Variants in KPNA6 observed in about 807,000 individuals in gnomAD.
KPNA6 encodes the protein importin subunit alpha-7.
KPNA6 carries 9 observed loss-of-function variants against 72.0 expected under a neutral mutation model. The ratio of observed to expected loss-of-function variants is 0.13; its 90% CI spans 0.08 to 0.22. The LOEUF (loss-of-function observed/expected upper bound fraction) is 0.22, where lower values mean the gene tolerates loss of function less well. Ranked by LOEUF, KPNA6 falls within the 10% of genes least tolerant of loss-of-function variation. The pLI, the probability that KPNA6 is intolerant of heterozygous loss-of-function variation, is 1.00. For missense variants in KPNA6, 374 were observed against 655.7 expected (o/e 0.57, Z 4.69); for synonymous variants, 219 against 242.1 (o/e 0.90, Z 0.89).
intron 1 of KPNA6, among the ~76,000 whole-genome samples, chr1:32,118,043 C>A (rs1022974381): frequency 2.6e-5 from 4 of 152,024 alleles, no homozygotes; most frequent in Non-Finnish European, 5.9e-5. Context: ...CTGCCTCAGC[C>A]TCCTGAGTAA....
At chr1:32,117,335 GCTAA>G (rs1310915383) in intron 1 of KPNA6, among the ~76,000 whole-genome samples, 1 of 152,048 alleles carries the variant, frequency 6.6e-6, no homozygotes, top group Non-Finnish European at 1.5e-5. Context: ...ACCACGCCCG[GCTAA>G]CTTTTTGTAT....
rs140959130 is a variant in KPNA6, at chr1:32,140,348, C to T, written c.5-14240C>T. Among the ~76,000 whole-genome samples the T allele has an allele frequency of 1.8e-3, 277 of 151,978 alleles. 5 individuals are homozygous for T. The East Asian group carries it at 0.047, about 26-fold the overall frequency. On this transcript the variant is annotated intron_variant, in intron 1 of 13. Transcript: ENST00000373625. ...GCAGTGAGCTGAGATGGTGCCACTG[C>T]ACTCCAGCCTGGGCAACAGAGCGAG...
At chr1:32,150,226 G>A (rs982537436) in intron 1 of KPNA6, among the ~76,000 whole-genome samples, 5 of 142,240 alleles carry the variant, frequency 3.5e-5, no homozygotes, top group South Asian at 2.4e-4. Context: ...TCCGCCTCCC[G>A]GGTTCAAGTG....
chr1:32,115,793 G>GAGT (rs927740690), intron 1 of KPNA6, among the ~76,000 whole-genome samples: 1 of 152,244 alleles, frequency 6.6e-6, no homozygotes, highest in Non-Finnish European at 1.5e-5. Flanking sequence ...GCCCAGGCTG[G>GAGT]AGTGCAGTGC....
rs138602858 is a variant in KPNA6, at chr1:32,170,617, CAT to C, written c.1424-88_1424-87del. On this transcript the variant is annotated intron_variant, in intron 13 of 13. Transcript: ENST00000373625. ...TATGACTTGTGTTTGTAAGCACTAA[CAT>C]ACCTCAGGGAAGGAAAAATAGGTAA... The C allele has an allele frequency of 1.2e-4, 130 of 1,055,010 alleles. 1 individual carries two copies. In the East Asian group the frequency reaches 3.1e-3, roughly 25 times the overall value. The allele number at this position is 1,055,010 out of a possible 1,614,324, so 65.4% of individuals were successfully genotyped here. A position where few individuals can be genotyped will look rare whatever the true frequency, so the allele number is the denominator to read the frequency against.
Position 32,173,070 on chromosome 1 carries a change from G to C in KPNA6, c.*2176G>C, listed in dbSNP as rs72666771. 3 of 397,034 alleles carry C rather than the reference G, an allele frequency of 7.6e-6. No homozygotes were observed. The highest frequency in any genetic ancestry group is 8.9e-6 in the Non-Finnish European group (2 of 225,890). The allele number at this position is 397,034 out of a possible 1,614,324, so 24.6% of individuals were successfully genotyped here. A position where few individuals can be genotyped will look rare whatever the true frequency, so the allele number is the denominator to read the frequency against. On this transcript the variant is annotated 3_prime_UTR_variant, in exon 14 of 14. Transcript: ENST00000373625. ...TGAGTCATATGCCACTCATCAGCTT[G>C]GGAATGATGGCTGCCAACTCCCAAT...
chr1:32,171,036 C>G lies in KPNA6; in HGVS notation c.*142C>G. On this transcript the variant is annotated 3_prime_UTR_variant, in exon 14 of 14. Coordinates refer to ENST00000373625, the MANE Select transcript of KPNA6 (RefSeq NM_012316.5). ...CTGGAGACTGTGCTCTTGACCTGCTCCGCCCCCTTCCCTGGAGGGAGCACC... is the reference window on the plus strand; with the variant it reads ...CTGGAGACTGTGCTCTTGACCTGCTGCGCCCCCTTCCCTGGAGGGAGCACC... 1 of 694,942 alleles carries G rather than the reference C, an allele frequency of 1.4e-6. No homozygotes were observed. 43.0% of individuals were successfully genotyped at this position (694,942 alleles called of 1,614,324 possible).
rs957880415 is a variant in KPNA6 at position 32,169,789 on chromosome 1, TAGTAAGAG to T, written c.1245-92_1245-85del. 1.5e-5 allele frequency: 17 copies of T among 1,124,306 alleles called. 1 individual carries two copies. Among genetic ancestry groups the T allele is most frequent in the Admixed American group, 1.1e-4 (5 of 44,062 alleles). 69.6% of individuals were successfully genotyped at this position (1,124,306 alleles called of 1,614,324 possible). ...AATTCTTAAAAATAAAAAAATAAAT[TAGTAAGAG>T]TGGGTTGCTGAGAGTTCAGAGCACC... On this transcript the variant is annotated intron_variant, in intron 12 of 13. Coordinates refer to ENST00000373625, the MANE Select transcript of KPNA6 (RefSeq NM_012316.5).
chr1:32,143,949 C>A (rs1170352369), intron 1 of KPNA6, among the ~76,000 whole-genome samples: 1 of 152,170 alleles, frequency 6.6e-6, no homozygotes, highest in African/African-American at 2.4e-5. Flanking sequence ...TCCATGGTAT[C>A]CATATGCAGT....
intron 2 of KPNA6, among the ~76,000 whole-genome samples, chr1:32,155,710 A>G (rs1642128632): frequency 8.4e-6 from 1 of 118,626 alleles, no homozygotes; most frequent in Non-Finnish European, 1.7e-5. Context: ...ATTATTATTT[A>G]TTTATTTATT....
chr1:32,156,094 T>C (rs1642137961), intron 2 of KPNA6, among the ~76,000 whole-genome samples: 1 of 151,670 alleles, frequency 6.6e-6, no homozygotes, highest in Non-Finnish European at 1.5e-5. Flanking sequence ...TGCTATACTA[T>C]CATTCCTTTT....
chr1:32,129,136 C>CCCTT (rs900288898), intron 1 of KPNA6, among the ~76,000 whole-genome samples: 1 of 150,142 alleles, frequency 6.7e-6, no homozygotes, highest in Non-Finnish European at 1.5e-5. Context: ...CTCCCTCCCT[C>CCCTT]CCTTCCTTCC....
At chr1:32,109,272 C>T (rs1416781467) in intron 1 of KPNA6, among the ~76,000 whole-genome samples, 2 of 151,876 alleles carry the variant, frequency 1.3e-5, no homozygotes, top group Non-Finnish European at 1.5e-5. Context: ...CGGGTTCAAG[C>T]GATTCTCCTG....
Position 32,175,852 on chromosome 1 carries a change from CT to C in KPNA6, c.*4961del, listed in dbSNP as rs1159664219. ...GTGGCTCATGCCTGTAATCCTAGCA[CT>C]TTGGGAGGCTGAGGCGGGCAGATCA... On this transcript the variant is annotated 3_prime_UTR_variant, in exon 14 of 14. Coordinates refer to ENST00000373625, the MANE Select transcript of KPNA6 (RefSeq NM_012316.5). 6.6e-6 allele frequency: 1 copy of C among 150,962 alleles called. No homozygotes were observed. Among genetic ancestry groups the C allele is most frequent in the East Asian group, 1.9e-4 (1 of 5,130 alleles). 9.4% of individuals were successfully genotyped at this position (150,962 alleles called of 1,614,324 possible). A position where few individuals can be genotyped will look rare whatever the true frequency, so the allele number is the denominator to read the frequency against.
chr1:32,125,979 T>TAA (rs75504815), intron 1 of KPNA6, among the ~76,000 whole-genome samples: 9,355 of 98,698 alleles, frequency 0.095, 513 homozygotes, highest in South Asian at 0.22. Flanking sequence ...CTATATTTAC[T>TAA]AAAAAAAAAA....
intron 1 of KPNA6, among the ~76,000 whole-genome samples, chr1:32,137,047 A>G (rs1473209271): frequency 6.6e-6 from 1 of 152,234 alleles, no homozygotes; most frequent in African/African-American, 2.4e-5. Flanking sequence ...CTCTTCAAGG[A>G]CAATGAAAAT....
chr1:32,140,979 T>C (rs559901522), intron 1 of KPNA6, among the ~76,000 whole-genome samples: 25 of 152,284 alleles, frequency 1.6e-4, no homozygotes, highest in African/African-American at 6.0e-4. Context: ...CTATCACTTG[T>C]GTATTGTGGG....
At chr1:32,123,457 A>AT (rs1641474071) in intron 1 of KPNA6, among the ~76,000 whole-genome samples, 1 of 152,096 alleles carries the variant, frequency 6.6e-6, no homozygotes, top group Non-Finnish European at 1.5e-5. Context: ...AAGACTAAAC[A>AT]GGGCGGGGCA....
rs548980236 is a variant in KPNA6 at position 32,124,757 on chromosome 1, T to C, written c.4+16623T>C. 2.0e-5 allele frequency among the ~76,000 whole-genome samples: 3 copies of C among 151,706 alleles called. No homozygotes were observed. The South Asian group carries it at 6.3e-4, about 32-fold the overall frequency. On this transcript the variant is annotated intron_variant, in intron 1 of 13. Coordinates refer to ENST00000373625, the MANE Select transcript of KPNA6 (RefSeq NM_012316.5). ...CCTGAGCTCAGGCAATCCTTCCGCC[T>C]TGGCCTCCCAAAGTGCTAGGATTAC...
Sources: allele counts gnomAD v4.1 joint callset (sites outside exome capture counted in the v4.1 genomes callset), GRCh38; gene constraint gnomAD v4.1.1; transcripts MANE v1.5; gene names NCBI Gene and HGNC (gene_info 2026-07-23, HGNC 2026-07-21).